Variants in HELZ2 observed in about 807,000 individuals in gnomAD.
HELZ2 encodes the protein 3'-5' exoribonuclease HELZ2.
In HELZ2, 143 loss-of-function variants were observed where a neutral mutation model predicts 208.8. The ratio of observed to expected loss-of-function variants is 0.68; its 90% confidence interval spans 0.60 to 0.79. HELZ2 has a LOEUF of 0.79. Ranked by LOEUF, HELZ2 falls within the 30% of genes least tolerant of loss-of-function variation. The pLI is 0.00. For synonymous variants in HELZ2, 1,705 were observed against 1,693.7 expected, an observed-to-expected ratio of 1.01 and a Z score of -0.16; for missense variants, 3,690 against 3,794.5, an observed-to-expected ratio of 0.97 and a Z score of 0.72.
intron 8 of HELZ2, 32 bp downstream of exon 9, chr20:63,562,488 C>T (rs774564119): frequency 2.6e-6 from 4 of 1,538,300 alleles, no homozygotes; most frequent in South Asian, 1.2e-5. Context: ...GGCGGTCCCC[C>T]AGCCCAGCCT....
chr20:63,573,661 T>G (rs930396420), upstream of HELZ2, among the ~76,000 whole-genome samples: 2 of 152,112 alleles, frequency 1.3e-5, no homozygotes, highest in Non-Finnish European at 2.9e-5. This position sits in a 1 kb window ranked among gnomAD's most constrained non-coding sequence, Gnocchi z 4.9. Flanking sequence ...TTCTATTGAA[T>G]GACCACTGGC....
In HELZ2 at chr20:63,559,911, C is replaced by T. The variant is rs761545612; in HGVS notation, c.7825+17G>A. 5.6e-6 allele frequency: 9 copies of T among 1,605,592 alleles called. No individual in the cohort carries two copies. The highest frequency in any genetic ancestry group is 6.8e-6 in the Non-Finnish European group (8 of 1,179,382). ...CACCTGTGTTCCCACCCTGGAAGAGCCCAGCCCCGCCCTCACCGATCAGGC... is the reference window on the plus strand; with the variant it reads ...CACCTGTGTTCCCACCCTGGAAGAGTCCAGCCCCGCCCTCACCGATCAGGC... On this transcript the variant is annotated intron_variant, in intron 18 of 18. Coordinates refer to ENST00000467148, the Ensembl canonical transcript of HELZ2.
chr20:63,564,966 C>T (rs544947597), exon 8 of HELZ2: 1 of 1,605,692 alleles, frequency 6.2e-7, no homozygotes, highest in South Asian at 1.1e-5. Context: ...TCAGGCAGCA[C>T]CTCCCGGACG....
chr20:63,563,751 G>T, exon 8 of HELZ2: 1 of 1,601,224 alleles, frequency 6.2e-7, no homozygotes. Flanking sequence ...CCATGGCCCA[G>T]CGCCAGCAGG....
At chr20:63,569,507 A>T (rs1757752) in exon 4 of HELZ2, 1 of 1,609,976 alleles carries the variant, frequency 6.2e-7, no homozygotes, top group East Asian at 2.2e-5. Flanking sequence ...CGAACGAGGC[A>T]GCCTGCACAC....
chr20:63,565,420 G>C, exon 8 of HELZ2: 1 of 1,611,020 alleles, frequency 6.2e-7, no homozygotes, highest in South Asian at 1.1e-5. Flanking sequence ...TCTCTGGCAC[G>C]AAAGAGCAGT....
Position 63,563,655 on chromosome 20 carries a change from G to A in HELZ2, c.5167C>T (p.Arg1723Trp), listed in dbSNP as rs761375053. Reference sequence around the variant, plus strand: ...ACGGCCAGGTGCAGGCTGCGCGCCCGCCGCTGATAGCTCTGGGCAAGTGCG... The same window carrying A: ...ACGGCCAGGTGCAGGCTGCGCGCCCACCGCTGATAGCTCTGGGCAAGTGCG... Residue 1723 changes from arginine (R) to tryptophan (W), a missense_variant, in exon 8 of 19, where the codon CGG (arginine) becomes TGG (tryptophan). This residue lies in a region of HELZ2 where 2,564 missense variants were observed against 2,580.5 expected (regional missense o/e 0.99). Coordinates refer to ENST00000467148, the Ensembl canonical transcript of HELZ2. The A allele has an allele frequency of 2.8e-5, 44 of 1,556,136 alleles. No homozygotes were observed. In the Middle Eastern group the frequency reaches 1.8e-3, roughly 65 times the overall value.
chr20:63,568,736 G>A, exon 5 of HELZ2: 2 of 1,604,472 alleles, frequency 1.2e-6, no homozygotes, highest in Non-Finnish European at 1.7e-6. Context: ...GCAGCAGCGG[G>A]CCGGAAGCAG....
chr20:63,569,720 A>G (rs2083000231), intron 3 of HELZ2, 55 bp from the exon 5 acceptor site: 12 of 1,448,034 alleles, frequency 8.3e-6, no homozygotes, highest in African/African-American at 1.4e-5. Flanking sequence ...AACCCTCCCG[A>G]GAGGCAGCCT....
intron 16 of HELZ2, 76 bp from the exon 18 acceptor site, chr20:63,560,403 A>G: frequency 2.5e-6 from 4 of 1,588,660 alleles, no homozygotes; most frequent in Non-Finnish European, 3.4e-6. Flanking sequence ...TCCCTGACTC[A>G]CAAGCACCAG....
chr20:63,560,240 C>T, exon 17 of HELZ2: 4 of 1,560,084 alleles, frequency 2.6e-6, no homozygotes, highest in South Asian at 2.3e-5. Flanking sequence ...TTGCTGATCT[C>T]AGAGGCCTGC....
At position 63,569,413 on chromosome 20, in the gene HELZ2, G is replaced by GC; in HGVS notation, c.822dup (p.Arg275AlafsTer15). On this transcript the variant is annotated frameshift_variant, in exon 4 of 19. Transcript: ENST00000467148. LOFTEE classifies it high-confidence loss of function. The stretch of plus-strand genomic sequence containing the variant: ...AGATTCCTGCAGGGTCCTGGGCGAC[G>GC]CCCCTGGCCCAGCTGCAGCCCCAGC... The GC allele has an allele frequency of 6.2e-7, 1 of 1,608,158 alleles. No individual in the cohort carries two copies. The highest frequency in any genetic ancestry group is 8.5e-7 in the Non-Finnish European group (1 of 1,176,728).
At chr20:63,569,453 C>T (rs373885048) in exon 4 of HELZ2, 38 of 1,609,540 alleles carry the variant, frequency 2.4e-5, no homozygotes, top group African/African-American at 1.2e-4. Context: ...GTAGCAGCAC[C>T]GGCCGGCGGC....
upstream of HELZ2, chr20:63,574,051 G>A (rs2083036011): frequency 6.6e-6 from 1 of 150,928 alleles, no homozygotes; most frequent in African/African-American, 2.5e-5. Flanking sequence ...CCGCGCCCCC[G>A]GCTGCACTCA....
At chr20:63,567,308 C>T (rs114330196) in exon 6 of HELZ2, 21 of 1,610,086 alleles carry the variant, frequency 1.3e-5, no homozygotes, top group African/African-American at 2.7e-5. Flanking sequence ...CCGTGCGAGG[C>T]ATAGGCCAGC....
rs115211910 is a variant in HELZ2 at position 63,564,264 on chromosome 20, C to T, written c.4558G>A (p.Ala1520Thr). ...TACTCCTTCACCATGATGTGGGCCG[C>T]GCGGAAGCCCAGGGTGCCGTCCTCG... Residue 1520 changes from alanine (A) to threonine (T), a missense_variant, in exon 8 of 19, where the codon GCG becomes ACG. This residue lies in a region of HELZ2 where 2,564 missense variants were observed against 2,580.5 expected (regional missense o/e 0.99). Transcript: ENST00000467148. 1.5e-4 allele frequency: 238 copies of T among 1,611,288 alleles called. No individual in the cohort carries two copies. In the African/African-American group the frequency reaches 2.4e-3, roughly 16 times the overall value.
rs553123231 is a variant in HELZ2, at chr20:63,568,949, G to A, written c.1139C>T (p.Ala380Val). The stretch of plus-strand genomic sequence containing the variant: ...CGGAGGCGCGAAGAGCATGTTCAGC[G>A]CTGGCGTCTGCAATGCCGTCTTCAG... Residue 380 changes from alanine (A) to valine (V), a missense_variant, in exon 5 of 19, where the codon GCG (alanine) becomes GTG (valine). Ala to Val is a moderately conservative substitution (Grantham distance 64). Transcript: ENST00000467148. The A allele has an allele frequency of 1.7e-5, 27 of 1,605,866 alleles. 1 individual carries two copies. The highest frequency in any genetic ancestry group is 1.4e-4 in the South Asian group (13 of 91,092).
At chr20:63,568,120 C>T in intron 5 of HELZ2, 1 of 578,002 alleles carries the variant, frequency 1.7e-6, no homozygotes. Context: ...TGCAGCCTTC[C>T]CCGTGACACT....
chr20:63,561,293 G>A lies in HELZ2; in HGVS notation c.6954-19C>T, dbSNP rs777314506. On this transcript the variant is annotated intron_variant, in intron 13 of 18. Coordinates refer to ENST00000467148, the Ensembl canonical transcript of HELZ2. ...CTTGTACCTGCCGGGGACACTGCTT[G>A]TCACCCCAGGGCCCCCATGCTGCAG... 2 of 1,612,412 alleles carry A rather than the reference G, an allele frequency of 1.2e-6. No individual in the cohort carries two copies. Among genetic ancestry groups the A allele is most frequent in the Non-Finnish European group, 1.7e-6 (2 of 1,179,640 alleles).
Sources: gnomAD v4.1 joint callset for allele counts (sites outside exome capture counted in the v4.1 genomes callset) on GRCh38, gnomAD v4.1.1 for gene constraint, gnomAD v4.1.1 regional missense constraint, Gnocchi (gnomAD v3.1) non-coding constraint, MANE v1.5 for transcripts, NCBI Gene and HGNC (gene_info 2026-07-23, HGNC 2026-07-21) for gene names.